HIF3A: variants seen among roughly 807,000 people sequenced by gnomAD.
The protein encoded by HIF3A is hypoxia inducible factor 3 subunit alpha.
A neutral mutation model predicts 67.2 loss-of-function variants in HIF3A; 41 were observed. The observed-to-expected ratio is 0.61, with a 90% confidence interval of 0.48 to 0.79. The LOEUF is 0.79. Ranked by LOEUF, HIF3A falls within the 30% of genes least tolerant of loss-of-function variation. The probability of loss-of-function intolerance (pLI) is 0.00; values close to 1 mark genes in which losing one functional copy is unlikely to be tolerated. For synonymous variants in HIF3A, 356 were observed against 374.8 expected, an observed-to-expected ratio of 0.95 and a Z score of 0.58; for missense variants, 855 against 898.0, an observed-to-expected ratio of 0.95 and a Z score of 0.61.
rs1967939926 is a variant in HIF3A at position 46,297,309 on chromosome 19, C to T, written c.26+207C>T. On this transcript the variant is annotated intron_variant, in intron 1 of 14. Transcript: ENST00000377670. This position sits in a 1 kb window ranked among gnomAD's most constrained non-coding sequence, Gnocchi z 4.5. ...CCCTACGTCTCTGGCTGCCCCGCCC[C>T]TCTGGCCAAGAGCGGCTTCGGGGTT... Among the ~76,000 whole-genome samples, 1 of 152,146 alleles carries T rather than the reference C, an allele frequency of 6.6e-6. No individual in the cohort carries two copies. The highest frequency in any genetic ancestry group is 1.5e-5 in the Non-Finnish European group (1 of 68,012).
chr19:46,309,843 T>C (rs907920531), intron 6 of HIF3A, among the ~76,000 whole-genome samples: 14 of 151,960 alleles, frequency 9.2e-5, no homozygotes, highest in African/African-American at 3.4e-4. Flanking sequence ...TACCAGCACT[T>C]AGGGAGGCCG....
Position 46,308,714 on chromosome 19 carries a change from G to A in HIF3A, c.500G>A (p.Arg167His), listed in dbSNP as rs566209684. 1.1e-5 allele frequency: 18 copies of A among 1,611,430 alleles called. No individual in the cohort carries two copies. The African/African-American group carries it at 1.3e-4, about 12-fold the overall frequency. The change falls in exon 5 of 15, where the codon CGC becomes CAC. Residue 167 changes from arginine to histidine, a missense_variant. By Grantham distance (29) the Arg-to-His change is conservative. This residue lies in a region of HIF3A where 638 missense variants were observed against 660.5 expected (regional missense o/e 0.97). Transcript: ENST00000377670. ...CCCACGGAGCGGTGCTTCTCCTTGC[G>A]CATGAAGAGTACACTCACCAGCCGC... ...EAPTERCFSL[R>H]MKSTLTSRGR...
At chr19:46,310,237 AAAG>A (rs1310804187) in intron 6 of HIF3A, among the ~76,000 whole-genome samples, 1 of 152,080 alleles carries the variant, frequency 6.6e-6, no homozygotes, top group Non-Finnish European at 1.5e-5. Context: ...AAAAGAAAAA[AAAG>A]AAAAAATTTG....
In HIF3A at chr19:46,331,754, C is replaced by T. The variant is rs956640386; in HGVS notation, c.1830+481C>T. On this transcript the variant is annotated intron_variant, in intron 13 of 14. Transcript: ENST00000377670. ...CCTGTAATCCCAGCTACTCAGGAGGCTGAGGCAGAAGAATTGTTTGAACCC... is the reference window on the plus strand; with the variant it reads ...CCTGTAATCCCAGCTACTCAGGAGGTTGAGGCAGAAGAATTGTTTGAACCC... Among the ~76,000 whole-genome samples, 6 of 148,910 alleles carry T rather than the reference C, an allele frequency of 4.0e-5. No homozygotes were observed. In the East Asian group the frequency reaches 1.2e-3, roughly 30 times the overall value.
At position 46,329,349 on chromosome 19, in the gene HIF3A, A is replaced by G. The variant is rs1971015805; in HGVS notation, c.1583A>G (p.His528Arg). The change falls in exon 12 of 15, where the codon CAT (histidine) becomes CGT (arginine). Residue 528 changes from histidine (H) to arginine (R), a missense_variant. By Grantham distance (29) the His-to-Arg change is conservative. Around this residue, in one of 3 missense-constraint regions of HIF3A, gnomAD observed 199 missense variants for 193.8 expected, o/e 1.03. Transcript: ENST00000377670. ...AVPRPRARSF[H>R]GLSPPALEPS... Reference sequence around the variant, plus strand: ...CCCCGGCCCCGTGCTCGGAGCTTCCATGGCCTGTCACCTCCAGCCCTTGAG... The same window carrying G: ...CCCCGGCCCCGTGCTCGGAGCTTCCGTGGCCTGTCACCTCCAGCCCTTGAG... The G allele has an allele frequency of 1.1e-5, 17 of 1,613,156 alleles. No homozygotes were observed. The highest frequency in any genetic ancestry group is 1.4e-5 in the Non-Finnish European group (17 of 1,179,860).
chr19:46,337,709 T>C (rs1262004650), intron 14 of HIF3A, among the ~76,000 whole-genome samples: 1 of 152,234 alleles, frequency 6.6e-6, no homozygotes, highest in Admixed American at 6.5e-5. Flanking sequence ...CATATCCTGA[T>C]CCTTCTGCCT....
chr19:46,325,791 G>C (rs1186639532), intron 11 of HIF3A, 152 bp downstream of exon 11: 2 of 591,872 alleles, frequency 3.4e-6, no homozygotes, highest in Non-Finnish European at 6.1e-6. Flanking sequence ...GTGGATGAAT[G>C]GATGAGGTTT....
At chr19:46,314,985 T>C (rs1969799405) in intron 8 of HIF3A, among the ~76,000 whole-genome samples, 1 of 147,266 alleles carries the variant, frequency 6.8e-6, no homozygotes, top group Non-Finnish European at 1.5e-5. Context: ...ATACAGGGAA[T>C]CCTACAGTAT....
chr19:46,310,743 C>A, intron 6 of HIF3A: 1 of 361,084 alleles, frequency 2.8e-6, no homozygotes, highest in South Asian at 2.0e-5. Flanking sequence ...TCATTATTGT[C>A]ATCATTACTT....
intron 11 of HIF3A, among the ~76,000 whole-genome samples, chr19:46,326,971 G>A (rs932936294): frequency 1.7e-4 from 26 of 152,078 alleles, no homozygotes; most frequent in African/African-American, 5.1e-4. Context: ...GGCCAACATG[G>A]TGAAACCCTG....
intron 11 of HIF3A, among the ~76,000 whole-genome samples, chr19:46,325,911 T>A (rs1970749569): frequency 6.6e-6 from 1 of 152,192 alleles, no homozygotes; most frequent in African/African-American, 2.4e-5. Flanking sequence ...GATGGATGAT[T>A]TATTGAATGC....
rs1967905227 is a variant in HIF3A, at chr19:46,297,050, G to A, written c.-27G>A. The A allele has an allele frequency of 1.5e-6, 2 of 1,301,792 alleles. No homozygotes were observed. 80.6% of individuals were successfully genotyped at this position (1,301,792 alleles called of 1,614,324 possible). A position where few individuals can be genotyped will look rare whatever the true frequency, so the allele number is the denominator to read the frequency against. On this transcript the variant is annotated 5_prime_UTR_variant, in exon 1 of 15. Transcript: ENST00000377670. The surrounding 1 kb of genome is among the most constrained non-coding windows in gnomAD (Gnocchi z 4.5). ...CGGGGAGGGGGCTAGGGGCCTCCGAGGGCTCCGGAGCGGCGACTGGCGAGC... is the reference window on the plus strand; with the variant it reads ...CGGGGAGGGGGCTAGGGGCCTCCGAAGGCTCCGGAGCGGCGACTGGCGAGC...
At position 46,303,971 on chromosome 19, in the gene HIF3A, C is replaced by T. The variant is rs766595847; in HGVS notation, c.100C>T (p.Leu34=). ...RSRRSQETEV[L]YQLAHTLPFA... ...CCGGCGCAGCCAGGAGACCGAGGTG[C>T]TGTACCAGCTGGCTCACACGCTGCC... is the stretch of plus-strand genomic sequence containing the variant. The change falls in exon 2 of 15, where the codon CTG becomes TTG. Residue 34 remains leucine, a synonymous_variant. Coordinates refer to ENST00000377670, the MANE Select transcript of HIF3A (RefSeq NM_152795.4). 2.6e-5 allele frequency: 42 copies of T among 1,603,824 alleles called. No individual in the cohort carries two copies. In the Admixed American group the frequency reaches 2.9e-4, roughly 11 times the overall value.
In HIF3A at chr19:46,321,740, C is replaced by G. The variant is rs752275857; in HGVS notation, c.1145-36C>G. On this transcript the variant is annotated intron_variant, in intron 9 of 14. Transcript: ENST00000377670. ...GCTCTGGCCCTTGGCCCTCAGTCAC[C>G]AGCCCGTGTCCTCCCCATCTCCATG... is the stretch of plus-strand genomic sequence containing the variant. 4 of 1,591,958 alleles carry G rather than the reference C, an allele frequency of 2.5e-6. No individual in the cohort carries two copies. In the South Asian group the frequency reaches 4.5e-5, roughly 18 times the overall value.
chr19:46,336,194 G>A (rs767480013), intron 14 of HIF3A, among the ~76,000 whole-genome samples: 105 of 132,784 alleles, frequency 7.9e-4, no homozygotes, highest in Non-Finnish European at 9.5e-4. Flanking sequence ...CCAGGTTCAC[G>A]CCATTCTCTG....
At chr19:46,316,995 A>T (rs759300) in intron 8 of HIF3A, among the ~76,000 whole-genome samples, 136,687 of 152,058 alleles carry the variant, frequency 0.9, 61,536 homozygotes, top group Non-Finnish European at 0.93. Flanking sequence ...CAGGCTGGAG[A>T]GCCGTGGCAC....
chr19:46,316,620 T>C (rs1969933350), intron 8 of HIF3A, among the ~76,000 whole-genome samples: 1 of 152,074 alleles, frequency 6.6e-6, no homozygotes, highest in Non-Finnish European at 1.5e-5. Context: ...CTGACCAACA[T>C]GGTGAAACCC....
intron 13 of HIF3A, 67 bp from the exon 14 acceptor site, chr19:46,334,838 C>T (rs1269355335): frequency 3.7e-5 from 49 of 1,341,076 alleles, no homozygotes; most frequent in Non-Finnish European, 5.2e-5. Context: ...TTACAGTCAC[C>T]ACTCCCGGCT....
intron 13 of HIF3A, among the ~76,000 whole-genome samples, chr19:46,334,549 C>CTTTTAT (rs1971476064): frequency 6.6e-6 from 1 of 152,038 alleles, no homozygotes. Context: ...TTTTATTTTA[C>CTTTTAT]TTTTATTTTT....
Sources: allele counts gnomAD v4.1 joint callset (sites outside exome capture counted in the v4.1 genomes callset), GRCh38; gene constraint gnomAD v4.1.1; regional missense constraint gnomAD v4.1.1; non-coding constraint Gnocchi (gnomAD v3.1); transcripts MANE v1.5; gene names NCBI Gene and HGNC (gene_info 2026-07-23, HGNC 2026-07-21).